SGCZ: variants seen among roughly 807,000 people sequenced by gnomAD.
SGCZ encodes the protein zeta-sarcoglycan.
Under a neutral mutation model 41.3 loss-of-function variants are expected in SGCZ, and 40 were observed. The ratio of observed to expected loss-of-function variants is 0.97; its 90% CI spans 0.75 to 1.26. The LOEUF (loss-of-function observed/expected upper bound fraction) is 1.26. SGCZ is among the 50% of genes most tolerant of loss of function. The pLI is 0.00. For synonymous variants in SGCZ, 206 were observed against 137.5 expected (o/e 1.50, Z -3.49); for missense variants, 552 against 369.8 (o/e 1.49, Z -4.04).
chr8:15,161,429 T>C (rs1799509189), intron 1 of SGCZ, among the ~76,000 whole-genome samples: 1 of 152,174 alleles, frequency 6.6e-6, no homozygotes, highest in South Asian at 2.1e-4. Context: ...TATTTATTTG[T>C]CTTAGACATC....
Position 14,520,888 on chromosome 8 carries a change from T to A in SGCZ, c.234+33844A>T, listed in dbSNP as rs116820641. ...AGGATGTACTTAAAAAAATCAACGT[T>A]ATATAACAAGCATGTTTGCATTTGC... On this transcript the variant is annotated intron_variant, in intron 2 of 7. Coordinates refer to ENST00000382080, the MANE Select transcript of SGCZ (RefSeq NM_139167.4). Among the ~76,000 whole-genome samples the A allele has an allele frequency of 3.0e-3, 450 of 152,286 alleles. 5 individuals carry two copies. Among genetic ancestry groups the A allele is most frequent in the African/African-American group, 1.0e-2 (415 of 41,582 alleles).
intron 5 of SGCZ, among the ~76,000 whole-genome samples, chr8:14,137,999 A>G (rs1803254033): frequency 6.6e-6 from 1 of 152,238 alleles, no homozygotes; most frequent in African/African-American, 2.4e-5. Context: ...AAATTCTACA[A>G]GCCAGAAGAG....
intron 1 of SGCZ, among the ~76,000 whole-genome samples, chr8:14,979,016 C>T (rs1167430579): frequency 2.6e-5 from 4 of 152,142 alleles, no homozygotes; most frequent in Non-Finnish European, 5.9e-5. Flanking sequence ...CCAGGCTGTT[C>T]TCAAACTCCT....
At chr8:14,644,786 C>T (rs1265733197) in intron 1 of SGCZ, among the ~76,000 whole-genome samples, 1 of 151,568 alleles carries the variant, frequency 6.6e-6, no homozygotes, top group Non-Finnish European at 1.5e-5. Flanking sequence ...TCTAGTTCTA[C>T]CTGTTGAATG....
chr8:14,431,260 G>A (rs991853462), intron 2 of SGCZ, among the ~76,000 whole-genome samples: 1 of 152,104 alleles, frequency 6.6e-6, no homozygotes, highest in Admixed American at 6.5e-5. Flanking sequence ...GAACAAAGCT[G>A]GAGGCATCAC....
At chr8:14,409,340 C>G (rs1799298086) in intron 2 of SGCZ, among the ~76,000 whole-genome samples, 1 of 151,732 alleles carries the variant, frequency 6.6e-6, no homozygotes, top group Admixed American at 6.6e-5. Context: ...CCTGAGGATC[C>G]AAAAATGAGA....
At chr8:14,294,522 C>A (rs1800948079) in intron 3 of SGCZ, among the ~76,000 whole-genome samples, 1 of 151,764 alleles carries the variant, frequency 6.6e-6, no homozygotes, top group African/African-American at 2.4e-5. Flanking sequence ...GATACAGTAC[C>A]AAAATCATGA....
chr8:14,222,888 T>G (rs1286270923), intron 4 of SGCZ, among the ~76,000 whole-genome samples: 2 of 139,486 alleles, frequency 1.4e-5, no homozygotes, highest in Non-Finnish European at 3.0e-5. Flanking sequence ...CTCCATTCAC[T>G]GTAACCTCTA....
At chr8:14,182,515 G>T (rs1444551405) in intron 4 of SGCZ, among the ~76,000 whole-genome samples, 1 of 152,080 alleles carries the variant, frequency 6.6e-6, no homozygotes, top group Non-Finnish European at 1.5e-5. Context: ...TCATCCAGCT[G>T]GACTTGTCCA....
At chr8:14,747,384 T>A (rs1054424393) in intron 1 of SGCZ, among the ~76,000 whole-genome samples, 4 of 152,116 alleles carry the variant, frequency 2.6e-5, no homozygotes, top group Non-Finnish European at 5.9e-5. Flanking sequence ...CTGGCCATAT[T>A]TCAGCCATAG....
At chr8:14,907,943 A>G (rs1389547733) in intron 1 of SGCZ, among the ~76,000 whole-genome samples, 2 of 152,324 alleles carry the variant, frequency 1.3e-5, no homozygotes, top group East Asian at 3.9e-4. Context: ...ATAATTAACT[A>G]ATGCATTTTA....
chr8:14,487,122 G>C (rs1455626030), intron 2 of SGCZ, among the ~76,000 whole-genome samples: 1 of 152,124 alleles, frequency 6.6e-6, no homozygotes, highest in African/African-American at 2.4e-5. Flanking sequence ...GGAATCATTT[G>C]CCTTTAATAG....
intron 1 of SGCZ, among the ~76,000 whole-genome samples, chr8:15,184,333 G>A (rs1234619078): frequency 1.3e-5 from 2 of 152,116 alleles, no homozygotes; most frequent in African/African-American, 2.4e-5. Context: ...ACACGAACAT[G>A]CAAGTATCAT....
intron 5 of SGCZ, among the ~76,000 whole-genome samples, chr8:14,154,474 A>C (rs1803816990): frequency 6.6e-6 from 1 of 152,222 alleles, no homozygotes; most frequent in Non-Finnish European, 1.5e-5. Context: ...AAGCTGATCG[A>C]GACACATGTG....
chr8:15,047,337 T>C (rs542977936), intron 1 of SGCZ, among the ~76,000 whole-genome samples: 1 of 152,202 alleles, frequency 6.6e-6, no homozygotes, highest in African/African-American at 2.4e-5. Flanking sequence ...AAATTCTCCT[T>C]GTGCCTCTTC....
At chr8:15,045,073 A>C (rs1804251976) in intron 1 of SGCZ, among the ~76,000 whole-genome samples, 1 of 150,720 alleles carries the variant, frequency 6.6e-6, no homozygotes, top group Non-Finnish European at 1.5e-5. Context: ...AAATCTCTTG[A>C]GCTTTTTATA....
At chr8:14,627,025 T>C (rs1228022719) in intron 1 of SGCZ, among the ~76,000 whole-genome samples, 1 of 152,220 alleles carries the variant, frequency 6.6e-6, no homozygotes, top group Non-Finnish European at 1.5e-5. Flanking sequence ...ATAATAGGTC[T>C]CATTCTCTTA....
chr8:14,624,370 G>T (rs1806380292), intron 1 of SGCZ, among the ~76,000 whole-genome samples: 1 of 151,734 alleles, frequency 6.6e-6, no homozygotes, highest in Non-Finnish European at 1.5e-5. Context: ...AAATTTTTTG[G>T]CAGTTTAGAA....
At chr8:15,065,508 G>A (rs1027929812) in intron 1 of SGCZ, among the ~76,000 whole-genome samples, 6 of 151,156 alleles carry the variant, frequency 4.0e-5, no homozygotes, top group African/African-American at 7.3e-5. Context: ...GCAGTGGCAG[G>A]ATCTCGGCTC....
Sources: gnomAD v4.1 joint callset for allele counts (sites outside exome capture counted in the v4.1 genomes callset) on GRCh38, gnomAD v4.1.1 for gene constraint, MANE v1.5 for transcripts, NCBI Gene and HGNC (gene_info 2026-07-23, HGNC 2026-07-21) for gene names.